DBT: variants seen among roughly 807,000 people sequenced by gnomAD.
DBT encodes dihydrolipoamide branched chain transacylase E2, also known as lipoamide acyltransferase component of branched-chain alpha-keto acid dehydrogenase complex, mitochondrial.
Under a neutral mutation model 51.3 loss-of-function variants are expected in DBT, and 40 were observed. The ratio of observed to expected loss-of-function variants is 0.78; its 90% confidence interval spans 0.61 to 1.02. The LOEUF is 1.02. DBT is among the 50% of genes least tolerant of loss of function. The pLI, the probability that DBT is intolerant of heterozygous loss-of-function variation, is 0.00. For missense variants in DBT, 510 were observed against 580.2 expected, an observed-to-expected ratio of 0.88 and a Z score of 1.24; for synonymous variants, 181 against 190.4, an observed-to-expected ratio of 0.95 and a Z score of 0.41.
At chr1:100,233,518 A>AT (rs1490789570) in intron 3 of DBT, among the ~76,000 whole-genome samples, 1 of 152,048 alleles carries the variant, frequency 6.6e-6, no homozygotes, top group Non-Finnish European at 1.5e-5. Flanking sequence ...CGCAATACAT[A>AT]TTTTTTCCTT....
Position 100,195,775 on chromosome 1 carries a change from C to T in DBT, c.*480G>A, listed in dbSNP as rs1661053574. 5.7e-6 allele frequency: 1 copy of T among 174,166 alleles called. No individual in the cohort carries two copies. Among genetic ancestry groups the T allele is most frequent in the Non-Finnish European group, 1.2e-5 (1 of 81,092 alleles). 10.8% of individuals were successfully genotyped at this position (174,166 alleles called of 1,614,324 possible). A position where few individuals can be genotyped will look rare whatever the true frequency, so the allele number is the denominator to read the frequency against. On this transcript the variant is annotated 3_prime_UTR_variant, in exon 11 of 11. Coordinates refer to ENST00000370132, the MANE Select transcript of DBT (RefSeq NM_001918.5). Reference sequence around the variant, plus strand: ...CACCTCCCAGGTTCAAGCGATTCTCCTGCCTCAGCCTCCCAAGTAGCTGGG... The same window carrying T: ...CACCTCCCAGGTTCAAGCGATTCTCTTGCCTCAGCCTCCCAAGTAGCTGGG...
intron 4 of DBT, among the ~76,000 whole-genome samples, chr1:100,223,958 GGTCTGTTACA>G (rs1030705879): frequency 1.2e-4 from 18 of 152,084 alleles, no homozygotes; most frequent in Admixed American, 9.8e-4. Flanking sequence ...TTGAAGTAGA[GGTCTGTTACA>G]GTCAAAGGAC....
chr1:100,225,699 C>G (rs1663154215), intron 4 of DBT, among the ~76,000 whole-genome samples: 1 of 151,910 alleles, frequency 6.6e-6, no homozygotes, highest in Admixed American at 6.6e-5. Flanking sequence ...GTGGCACATG[C>G]CTGGAATCCC....
At chr1:100,235,290 C>A (rs926592948) in intron 3 of DBT, 146 bp downstream of exon 3, 1 of 554,060 alleles carries the variant, frequency 1.8e-6, no homozygotes, top group Non-Finnish European at 3.3e-6. Context: ...TACCTTATTG[C>A]TTTTAAAAAT....
intron 2 of DBT, 21 bp from the exon 3 acceptor site, chr1:100,235,532 T>C: frequency 7.3e-7 from 1 of 1,375,748 alleles, no homozygotes; most frequent in Non-Finnish European, 1.0e-6. Context: ...AAATGAGAAA[T>C]GATCTCATTA....
chr1:100,244,004 G>T (rs2100851138), intron 1 of DBT, among the ~76,000 whole-genome samples: 1 of 147,050 alleles, frequency 6.8e-6, no homozygotes, highest in East Asian at 2.0e-4. Flanking sequence ...CGGGCACAGT[G>T]GTTCATAGCT....
In DBT at chr1:100,191,903, CCTCCTG is replaced by C. The variant is rs1189556828; in HGVS notation, c.*4346_*4351del. The C allele has an allele frequency of 1.3e-5, 2 of 152,202 alleles. No homozygotes were observed. Among genetic ancestry groups the C allele is most frequent in the African/African-American group, 2.4e-5 (1 of 41,448 alleles). 9.4% of individuals were successfully genotyped at this position (152,202 alleles called of 1,614,324 possible). A position where few individuals can be genotyped will look rare whatever the true frequency, so the allele number is the denominator to read the frequency against. On this transcript the variant is annotated 3_prime_UTR_variant, in exon 11 of 11. Coordinates refer to ENST00000370132, the MANE Select transcript of DBT (RefSeq NM_001918.5). ...GATGCAAGTGATCCTGCCACCTCAG[CCTCCTG>C]AGTAGGTGGCACACAGGTGCATGTC...
chr1:100,239,448 A>C (rs887983795), intron 2 of DBT, among the ~76,000 whole-genome samples: 1 of 152,190 alleles, frequency 6.6e-6, no homozygotes, highest in Non-Finnish European at 1.5e-5. Flanking sequence ...TAAAGTTTAC[A>C]TGTCTTAGGC....
At chr1:100,207,403 T>C (rs1308985684) in intron 8 of DBT, among the ~76,000 whole-genome samples, 1 of 152,170 alleles carries the variant, frequency 6.6e-6, no homozygotes, top group Non-Finnish European at 1.5e-5. Context: ...AAAATACATA[T>C]ATAATAAAAA....
intron 1 of DBT, 38 bp from the exon 2 acceptor site, chr1:100,240,922 A>G: frequency 6.2e-7 from 1 of 1,601,818 alleles, no homozygotes; most frequent in Non-Finnish European, 8.5e-7. Context: ...GCATTTATAA[A>G]CAACCATACC....
At chr1:100,220,474 A>T (rs778959666) in intron 4 of DBT, among the ~76,000 whole-genome samples, 16 of 152,216 alleles carry the variant, frequency 1.1e-4, no homozygotes, top group Non-Finnish European at 1.9e-4. Flanking sequence ...TGCAACCGTG[A>T]TAAGATAGTC....
At chr1:100,203,762 T>G in intron 10 of DBT, among the ~76,000 whole-genome samples, 1 of 152,170 alleles carries the variant, frequency 6.6e-6, no homozygotes, top group East Asian at 1.9e-4. Context: ...CACAATCAAG[T>G]CGGCTTCATC....
At chr1:100,248,101 CAAAAAAAA>C (rs1003290152) in intron 1 of DBT, among the ~76,000 whole-genome samples, 1 of 75,140 alleles carries the variant, frequency 1.3e-5, no homozygotes, top group Non-Finnish European at 2.7e-5. Context: ...GACTCCATTT[CAAAAAAAA>C]AAAAAAAAAA....
chr1:100,215,036 CCTT>C (rs899177359), intron 6 of DBT, 53 bp from the exon 7 acceptor site: 2 of 1,173,454 alleles, frequency 1.7e-6, no homozygotes, highest in Admixed American at 3.1e-5. Flanking sequence ...ATCTCTTCAT[CCTT>C]TTTTTTTTTT....
At chr1:100,218,874 T>C (rs964154720) in intron 4 of DBT, 127 bp from the exon 5 acceptor site, 6 of 672,208 alleles carry the variant, frequency 8.9e-6, no homozygotes, top group Non-Finnish European at 1.2e-5. Context: ...TCTAAATGTA[T>C]AAAAGTTGAA....
rs185645415 is a variant in DBT, at chr1:100,193,303, C to A, written c.*2952G>T. The A allele has an allele frequency of 6.6e-5, 10 of 152,246 alleles. 1 individual carries two copies. Among genetic ancestry groups the A allele is most frequent in the Non-Finnish European group, 1.3e-4 (9 of 67,986 alleles). 9.4% of individuals were successfully genotyped at this position (152,246 alleles called of 1,614,324 possible). ...CATTTTTATTGATCATGTCATTATTCATTTAAAACTCAATAAATGCCTATC... is the reference window on the plus strand; with the variant it reads ...CATTTTTATTGATCATGTCATTATTAATTTAAAACTCAATAAATGCCTATC... On this transcript the variant is annotated 3_prime_UTR_variant, in exon 11 of 11. Coordinates refer to ENST00000370132, the MANE Select transcript of DBT (RefSeq NM_001918.5).
At chr1:100,206,705 T>C (rs1661813559) in intron 8 of DBT, 69 bp from the exon 9 acceptor site, 5 of 884,158 alleles carry the variant, frequency 5.7e-6, no homozygotes, top group South Asian at 5.3e-5. Flanking sequence ...GGATCAACCT[T>C]CACTGCCATC....
At chr1:100,243,693 CTGATGGGAAAG>C (rs969268196) in intron 1 of DBT, among the ~76,000 whole-genome samples, 1 of 152,056 alleles carries the variant, frequency 6.6e-6, no homozygotes, top group Non-Finnish European at 1.5e-5. Flanking sequence ...ACACGGGAAA[CTGATGGGAAAG>C]GTGAAGTAAT....
chr1:100,202,322 C>T (rs769286466), intron 10 of DBT, among the ~76,000 whole-genome samples: 1 of 152,120 alleles, frequency 6.6e-6, no homozygotes, highest in Non-Finnish European at 1.5e-5. Flanking sequence ...AAGGGCATTA[C>T]ATAATGGTAA....
Sources: allele counts gnomAD v4.1 joint callset (sites outside exome capture counted in the v4.1 genomes callset), GRCh38; gene constraint gnomAD v4.1.1; transcripts MANE v1.5; gene names NCBI Gene and HGNC (gene_info 2026-07-23, HGNC 2026-07-21).